Variants in LRP1B observed in about 807,000 individuals in gnomAD.
LRP1B encodes low-density lipoprotein receptor-related protein 1B.
In LRP1B, 217 loss-of-function variants were observed where a neutral mutation model predicts 556.6. The observed-to-expected ratio is 0.39, with a 90% CI of 0.35 to 0.44. The LOEUF is 0.44. LRP1B is among the 20% of genes least tolerant of loss of function. The probability of loss-of-function intolerance (pLI) is 1.00; values close to 1 mark genes in which losing one functional copy is unlikely to be tolerated. For missense variants in LRP1B, 5,053 were observed against 5,620.8 expected, an observed-to-expected ratio of 0.90 and a Z score of 3.23; for synonymous variants, 2,047 against 1,865.8, an observed-to-expected ratio of 1.10 and a Z score of -2.50.
intron 33 of LRP1B, 85 bp downstream of exon 33, chr2:140,776,013 C>T (rs971557189): frequency 7.8e-6 from 9 of 1,151,208 alleles, no homozygotes; most frequent in South Asian, 1.5e-5. Context: ...GAATAGAAAC[C>T]TTTTATTGTT....
chr2:140,731,430 A>C (rs1687772385), intron 35 of LRP1B, among the ~76,000 whole-genome samples: 2 of 152,214 alleles, frequency 1.3e-5, no homozygotes, highest in African/African-American at 4.8e-5. Context: ...TAGAGCAAAG[A>C]AGAGTAAAAG....
At chr2:141,017,682 CAT>C (rs1031712035) in intron 12 of LRP1B, among the ~76,000 whole-genome samples, 1 of 151,024 alleles carries the variant, frequency 6.6e-6, no homozygotes, top group African/African-American at 2.4e-5. Flanking sequence ...CACACACACA[CAT>C]ATATATATAT....
At chr2:140,612,781 T>G (rs1408415007) in intron 41 of LRP1B, among the ~76,000 whole-genome samples, 1 of 152,168 alleles carries the variant, frequency 6.6e-6, no homozygotes, top group Admixed American at 6.5e-5. Flanking sequence ...TAGTGTCAAC[T>G]CTTATGCCTT....
At chr2:141,608,206 A>G (rs1197034353) in intron 2 of LRP1B, among the ~76,000 whole-genome samples, 1 of 152,212 alleles carries the variant, frequency 6.6e-6, no homozygotes, top group Non-Finnish European at 1.5e-5. Flanking sequence ...CCTGGGCAAT[A>G]AGAGCAAAAC....
intron 32 of LRP1B, among the ~76,000 whole-genome samples, chr2:140,800,588 T>C (rs762548379): frequency 1.5e-4 from 23 of 152,200 alleles, no homozygotes; most frequent in Non-Finnish European, 2.4e-4. Context: ...AAATTTAGAC[T>C]AACAATTATT....
At chr2:140,704,632 G>A (rs895516961) in intron 37 of LRP1B, among the ~76,000 whole-genome samples, 9 of 152,058 alleles carry the variant, frequency 5.9e-5, no homozygotes, top group Admixed American at 2.6e-4. Flanking sequence ...TAACTAACTC[G>A]CAAATGAAAT....
chr2:140,514,136 T>G lies in LRP1B; in HGVS notation c.8269+517A>C, dbSNP rs143952256. 5.4e-3 allele frequency among the ~76,000 whole-genome samples: 818 copies of G among 152,136 alleles called. 6 individuals are homozygous for G. The highest frequency in any genetic ancestry group is 0.019 in the African/African-American group (789 of 41,546). ...CGTGACACTAATACCTCTAATCTTATAAAGCTACATTTTAAAGTGCATTTT... is the reference window on the plus strand; with the variant it reads ...CGTGACACTAATACCTCTAATCTTAGAAAGCTACATTTTAAAGTGCATTTT... On this transcript the variant is annotated intron_variant, in intron 51 of 90. Transcript: ENST00000389484.
chr2:141,103,848 T>C (rs1700531835), intron 7 of LRP1B, among the ~76,000 whole-genome samples: 1 of 151,880 alleles, frequency 6.6e-6, no homozygotes, highest in African/African-American at 2.4e-5. Flanking sequence ...CTGGTGGTTT[T>C]GGTTTTAGCA....
At chr2:140,725,076 T>C (rs947327750) in intron 35 of LRP1B, among the ~76,000 whole-genome samples, 1 of 152,192 alleles carries the variant, frequency 6.6e-6, no homozygotes, top group East Asian at 1.9e-4. Flanking sequence ...AACATAATGA[T>C]TTCTTTGGGG....
intron 6 of LRP1B, among the ~76,000 whole-genome samples, chr2:141,223,942 C>A (rs1156353457): frequency 4.6e-5 from 7 of 152,136 alleles, no homozygotes; most frequent in Non-Finnish European, 8.8e-5. Context: ...GGAAGAAAAT[C>A]CAGATAATAC....
At chr2:140,917,345 G>C (rs1372933777) in intron 21 of LRP1B, among the ~76,000 whole-genome samples, 1 of 151,988 alleles carries the variant, frequency 6.6e-6, no homozygotes, top group Non-Finnish European at 1.5e-5. Context: ...TGGACTCCCT[G>C]GTCTTTACCC....
chr2:140,423,950 A>C (rs1167156857), intron 66 of LRP1B, among the ~76,000 whole-genome samples: 1 of 152,164 alleles, frequency 6.6e-6, no homozygotes, highest in African/African-American at 2.4e-5. Context: ...TTAAAACTGT[A>C]TTTATATTAA....
chr2:140,398,252 T>C (rs1187968353), intron 66 of LRP1B, among the ~76,000 whole-genome samples: 7 of 152,080 alleles, frequency 4.6e-5, no homozygotes, highest in African/African-American at 1.7e-4. Context: ...TTTATCTACA[T>C]ACATATATTA....
chr2:141,434,070 G>A (rs1433120977), intron 3 of LRP1B, among the ~76,000 whole-genome samples: 1 of 151,312 alleles, frequency 6.6e-6, no homozygotes, highest in Non-Finnish European at 1.5e-5. Flanking sequence ...TCTGAGTGTG[G>A]TTCTCTTTGC....
chr2:141,347,245 T>C (rs188801496), intron 3 of LRP1B, among the ~76,000 whole-genome samples: 30 of 152,198 alleles, frequency 2.0e-4, no homozygotes, highest in African/African-American at 7.0e-4. Context: ...GAGTCAGGTA[T>C]AAAAATTTTC....
intron 7 of LRP1B, among the ~76,000 whole-genome samples, chr2:141,176,416 G>A (rs1260172279): frequency 6.6e-6 from 1 of 151,968 alleles, no homozygotes; most frequent in Non-Finnish European, 1.5e-5. Context: ...AAGTTCTCAT[G>A]AGATCTAATG....
chr2:141,230,849 C>T (rs1269270008), intron 5 of LRP1B, among the ~76,000 whole-genome samples: 1 of 152,106 alleles, frequency 6.6e-6, no homozygotes, highest in Non-Finnish European at 1.5e-5. Flanking sequence ...ATCTTAAGCC[C>T]CTATACTTTC....
intron 89 of LRP1B, among the ~76,000 whole-genome samples, chr2:140,237,746 A>C (rs1251008505): frequency 6.6e-6 from 1 of 150,754 alleles, no homozygotes; most frequent in Non-Finnish European, 1.5e-5. Flanking sequence ...TTTACTTTAT[A>C]ATAGACCTTT....
intron 3 of LRP1B, among the ~76,000 whole-genome samples, chr2:141,443,361 T>G (rs1459674987): frequency 6.6e-6 from 1 of 152,204 alleles, no homozygotes; most frequent in East Asian, 1.9e-4. Flanking sequence ...TTGCAAAATT[T>G]GTCTCCCATT....
Sources: allele counts gnomAD v4.1 joint callset (sites outside exome capture counted in the v4.1 genomes callset), GRCh38; gene constraint gnomAD v4.1.1; transcripts MANE v1.5; gene names NCBI Gene and HGNC (gene_info 2026-07-23, HGNC 2026-07-21).